TUBA1C: variants seen among roughly 807,000 people sequenced by gnomAD.
TUBA1C encodes tubulin alpha 1c.
In TUBA1C, 16 loss-of-function variants were observed where a neutral mutation model predicts 34.9. That is an observed-to-expected ratio of 0.46 (90% confidence interval 0.31 to 0.70). The LOEUF is 0.70. Among genes scored for constraint, TUBA1C ranks in the 30% least tolerant of loss-of-function variants. The probability of loss-of-function intolerance (pLI) is 0.05; values close to 1 mark genes in which losing one functional copy is unlikely to be tolerated. For synonymous variants in TUBA1C, 177 were observed against 215.9 expected (o/e 0.82, Z 1.58); for missense variants, 329 against 587.3 (o/e 0.56, Z 4.55).
chr12:49,270,060 TA>T, intron 3 of TUBA1C, 84 bp downstream of exon 3: 1 of 1,611,014 alleles, frequency 6.2e-7, no homozygotes, highest in Non-Finnish European at 8.5e-7. Flanking sequence ...TCTTTGCAAC[TA>T]AAATGAGACT....
intron 1 of TUBA1C, among the ~76,000 whole-genome samples, chr12:49,248,207 G>A (rs1376527988): frequency 1.3e-5 from 2 of 149,850 alleles, no homozygotes; most frequent in African/African-American, 4.9e-5. Flanking sequence ...CCTGGGAGGC[G>A]GAGGTTGCAG....
intron 1 of TUBA1C, among the ~76,000 whole-genome samples, chr12:49,249,880 A>T (rs1942714666): frequency 6.6e-6 from 1 of 151,804 alleles, no homozygotes; most frequent in African/African-American, 2.4e-5. Flanking sequence ...TAATAATAAT[A>T]ATAAGATTAG....
At chr12:49,249,287 T>C (rs1401813620) in intron 1 of TUBA1C, among the ~76,000 whole-genome samples, 1 of 151,310 alleles carries the variant, frequency 6.6e-6, no homozygotes, top group Non-Finnish European at 1.5e-5. Flanking sequence ...ATTAGCCGGG[T>C]GTGGTGGCGC....
At chr12:49,265,629 C>T (rs1643742285) in intron 1 of TUBA1C, among the ~76,000 whole-genome samples, 2 of 152,362 alleles carry the variant, frequency 1.3e-5, no homozygotes, top group South Asian at 4.1e-4. Context: ...GGCTCCCCCT[C>T]TCCAGCGCCC....
chr12:49,247,666 G>T (rs976540294), intron 1 of TUBA1C, among the ~76,000 whole-genome samples: 1 of 151,508 alleles, frequency 6.6e-6, no homozygotes, highest in Non-Finnish European at 1.5e-5. Flanking sequence ...AAGTAAAATC[G>T]GCTGGGCATG....
Position 49,272,595 on chromosome 12 carries a change from G to A in TUBA1C, c.718G>A (p.Ala240Thr), listed in dbSNP as rs762007855. Residue 240 changes from alanine to threonine, a missense_variant, in exon 4 of 4, where the codon GCT (alanine) becomes ACT (threonine). Coordinates refer to ENST00000301072, the MANE Select transcript of TUBA1C (RefSeq NM_032704.5). ...TAGCCAGATTGTGTCCTCCATCACT[G>A]CTTCCCTGAGATTTGATGGAGCCCT... The part of the protein sequence containing the change: ...LISQIVSSIT[A>T]SLRFDGALNV... The A allele has an allele frequency of 1.7e-5, 27 of 1,607,844 alleles. No individual in the cohort carries two copies. The South Asian group carries it at 2.0e-4, about 12-fold the overall frequency.
chr12:49,235,580 C>G (rs537580021), intron 1 of TUBA1C, among the ~76,000 whole-genome samples: 6 of 151,944 alleles, frequency 3.9e-5, no homozygotes, highest in Non-Finnish European at 7.4e-5. Flanking sequence ...ACTAAAAATA[C>G]AAAGAGTAGC....
intron 1 of TUBA1C, among the ~76,000 whole-genome samples, chr12:49,245,206 G>A (rs182103281): frequency 6.6e-6 from 1 of 152,218 alleles, no homozygotes; most frequent in East Asian, 1.9e-4. Flanking sequence ...GCAGTGTGAA[G>A]AGGTGGGCAA....
upstream of TUBA1C, among the ~76,000 whole-genome samples, chr12:49,261,089 C>T (rs551147258): frequency 7.6e-4 from 115 of 152,248 alleles, no homozygotes; most frequent in Middle Eastern, 3.4e-3. Flanking sequence ...GGGCTCATGC[C>T]TGTAATCCCA....
At chr12:49,259,106 C>G (rs1942817447) in intron 1 of TUBA1C, among the ~76,000 whole-genome samples, 1 of 152,164 alleles carries the variant, frequency 6.6e-6, no homozygotes, top group Non-Finnish European at 1.5e-5. Context: ...CATTCACTTA[C>G]CACTGACTCA....
chr12:49,251,180 C>G (rs913126746), intron 1 of TUBA1C, among the ~76,000 whole-genome samples: 1 of 152,040 alleles, frequency 6.6e-6, no homozygotes, highest in African/African-American at 2.4e-5. Flanking sequence ...GCACTCCAGC[C>G]TGGGGCAACA....
At chr12:49,265,242 C>G (rs1295905903) in intron 1 of TUBA1C, 58 bp downstream of exon 1, 5 of 1,482,608 alleles carry the variant, frequency 3.4e-6, no homozygotes, top group African/African-American at 1.4e-5. Context: ...ACGGCGGGCC[C>G]GGAAACTACT....
intron 1 of TUBA1C, among the ~76,000 whole-genome samples, chr12:49,247,278 C>G (rs560245957): frequency 6.6e-6 from 1 of 151,712 alleles, no homozygotes; most frequent in South Asian, 2.1e-4. Flanking sequence ...ACAAACCCGC[C>G]GGACTTGGTG....
At chr12:49,248,816 CA>C (rs1236602537) in intron 1 of TUBA1C, among the ~76,000 whole-genome samples, 2 of 139,124 alleles carry the variant, frequency 1.4e-5, no homozygotes, top group Non-Finnish European at 3.1e-5. Flanking sequence ...TGCAGTGAGC[CA>C]AGATCGCGCC....
upstream of TUBA1C, chr12:49,264,878 C>T (rs1942882343): frequency 4.5e-6 from 1 of 221,566 alleles, no homozygotes; most frequent in South Asian, 1.8e-4. Context: ...CCTCTTCCTG[C>T]TCCTGGCTCC....
chr12:49,229,465 A>T (rs2136982295), intron 1 of TUBA1C, among the ~76,000 whole-genome samples: 1 of 151,978 alleles, frequency 6.6e-6, no homozygotes, highest in South Asian at 2.1e-4. Context: ...GAGCCACCAC[A>T]CCCAGTCTAT....
rs1389918968 is a variant in TUBA1C, at chr12:49,228,152, G to A, written c.199G>A (p.Gly67Ser). ...ATCCAGCAAAAGCAGAGGAGAACCT[G>A]GCTGTGATTCAAAGGTAAGGCTGTA... Residue 67 changes from glycine to serine, a missense_variant, in exon 1 of 4, where the codon GGC becomes AGC. Gly to Ser is a moderately conservative substitution (Grantham distance 56). Coordinates refer to the TUBA1C transcript ENST00000541364. 4 of 1,535,706 alleles carry A rather than the reference G, an allele frequency of 2.6e-6. No individual in the cohort carries two copies. In the East Asian group the frequency reaches 9.8e-5, roughly 38 times the overall value.
At chr12:49,256,906 G>A (rs1942789473) in intron 1 of TUBA1C, among the ~76,000 whole-genome samples, 2 of 152,292 alleles carry the variant, frequency 1.3e-5, no homozygotes, top group South Asian at 2.1e-4. Context: ...TAGGCCAGGA[G>A]CGGTGGTTCA....
rs1943023645 is a variant in TUBA1C, at chr12:49,273,478, C to T, written c.*251C>T. On this transcript the variant is annotated 3_prime_UTR_variant, in exon 4 of 4. Coordinates refer to ENST00000301072, the MANE Select transcript of TUBA1C (RefSeq NM_032704.5). Reference sequence around the variant, plus strand: ...ATACATAGCTCATTGCAGCCTCGAGCTCCTGGACTCATGTGATTCTCCTGC... The same window carrying T: ...ATACATAGCTCATTGCAGCCTCGAGTTCCTGGACTCATGTGATTCTCCTGC... 1.8e-6 allele frequency: 1 copy of T among 560,750 alleles called. No homozygotes were observed. Among genetic ancestry groups the T allele is most frequent in the African/African-American group, 1.9e-5 (1 of 52,828 alleles). The allele number at this position is 560,750 out of a possible 1,614,324, so 34.7% of individuals were successfully genotyped here.
Sources: gnomAD v4.1 joint callset for allele counts (sites outside exome capture counted in the v4.1 genomes callset) on GRCh38, gnomAD v4.1.1 for gene constraint, MANE v1.5 for transcripts, NCBI Gene and HGNC (gene_info 2026-07-23, HGNC 2026-07-21) for gene names.